Variants in SLC44A2 observed in about 807,000 individuals in gnomAD.
The protein encoded by SLC44A2 is choline transporter-like protein 2.
SLC44A2 carries 57 observed loss-of-function variants against 90.8 expected under a neutral mutation model. That is an observed-to-expected ratio of 0.63 (90% CI 0.51 to 0.78). The LOEUF is 0.78. Among genes scored for constraint, SLC44A2 ranks in the 30% least tolerant of loss-of-function variants. The probability of loss-of-function intolerance (pLI) is 0.00; values close to 1 mark genes in which losing one functional copy is unlikely to be tolerated. For missense variants in SLC44A2, 794 were observed against 919.7 expected, an observed-to-expected ratio of 0.86 and a Z score of 1.77; for synonymous variants, 355 against 360.7, an observed-to-expected ratio of 0.98 and a Z score of 0.18.
At chr19:10,611,770 C>T (rs536375507) in intron 1 of SLC44A2, among the ~76,000 whole-genome samples, 2 of 151,432 alleles carry the variant, frequency 1.3e-5, no homozygotes, top group East Asian at 2.0e-4. Flanking sequence ...TGCAGTGAGC[C>T]GACATTGTGC....
chr19:10,638,393 A>C (rs2067082070), intron 20 of SLC44A2, 78 bp downstream of exon 20: 2 of 1,318,234 alleles, frequency 1.5e-6, no homozygotes, highest in African/African-American at 2.9e-5. Context: ...TGACTAGATA[A>C]ATGTGGATAG....
In SLC44A2 at chr19:10,637,660, TG is replaced by T. The variant is rs1405789242; in HGVS notation, c.1609del (p.Ala537ProfsTer5). ...QRLKAAENKF[A>X]KCLMTCLKCC... The stretch of plus-strand genomic sequence containing the variant: ...CTCTTCCAGCTGCAGAGAACAAGTT[TG>T]CCAAGTGCCTCATGACCTGTCTCAA... On this transcript the variant is annotated frameshift_variant, in exon 17 of 22. Transcript: ENST00000335757. LOFTEE classifies it high-confidence loss of function. The T allele has an allele frequency of 1.2e-6, 2 of 1,614,016 alleles. No homozygotes were observed. The highest frequency in any genetic ancestry group is 2.7e-5 in the African/African-American group (2 of 74,928).
At chr19:10,621,427 T>TG (rs2066893859), upstream of SLC44A2, among the ~76,000 whole-genome samples, 1 of 141,582 alleles carries the variant, frequency 7.1e-6, no homozygotes, top group African/African-American at 2.6e-5. Context: ...TGGGTGTTTT[T>TG]TTTTTTTTTT....
chr19:10,642,225 G>A, intron 20 of SLC44A2, 142 bp from the exon 21 acceptor site: 1 of 664,348 alleles, frequency 1.5e-6, no homozygotes, highest in Middle Eastern at 2.5e-4. Flanking sequence ...CTGCCAGCGG[G>A]GGTGAGGGGT....
intron 20 of SLC44A2, among the ~76,000 whole-genome samples, chr19:10,638,873 C>T (rs1000302724): frequency 3.3e-5 from 5 of 150,512 alleles, no homozygotes; most frequent in African/African-American, 1.2e-4. Context: ...GATCTCAGCT[C>T]ACTGCAACCT....
chr19:10,642,476 T>C (rs1416089379), intron 21 of SLC44A2, 25 bp downstream of exon 21: 1 of 1,607,354 alleles, frequency 6.2e-7, no homozygotes, highest in Admixed American at 1.7e-5. Flanking sequence ...ACCCCAAACC[T>C]TGCTGGGCCC....
At position 10,631,379 on chromosome 19, in the gene SLC44A2, C is replaced by T; in HGVS notation, c.435C>T (p.Asn145=). Residue 145 remains asparagine (N), a synonymous_variant, in exon 6 of 22, where the codon AAC becomes AAT. Coordinates refer to ENST00000335757, the MANE Select transcript of SLC44A2 (RefSeq NM_020428.4). The stretch of plus-strand genomic sequence containing the variant: ...AGTTCTGTGTTCCTGGCTTCAAGAA[C>T]AATAAAGTGAGTTGTAGACTGTCCT... ...YKQFCVPGFK[N]NKGVAEVLQD... 1 of 1,614,144 alleles carries T rather than the reference C, an allele frequency of 6.2e-7. No individual in the cohort carries two copies. Among genetic ancestry groups the T allele is most frequent in the Non-Finnish European group, 8.5e-7 (1 of 1,180,022 alleles).
Position 10,631,654 on chromosome 19 carries a change from C to T in SLC44A2, c.531C>T (p.His177=), listed in dbSNP as rs558954316. Reference sequence around the variant, plus strand: ...CCCGGAGATGCTTCCCCGCTATCCACGCCTACAAGGGTGTCCTGATGGTGG... The same window carrying T: ...CCCGGAGATGCTTCCCCGCTATCCATGCCTACAAGGGTGTCCTGATGGTGG... ...PLARRCFPAI[H]AYKGVLMVGN... The change falls in exon 8 of 22, where the codon CAC becomes CAT. Residue 177 remains histidine, a synonymous_variant. Coordinates refer to ENST00000335757, the MANE Select transcript of SLC44A2 (RefSeq NM_020428.4). The T allele has an allele frequency of 1.1e-5, 17 of 1,613,684 alleles. No individual in the cohort carries two copies. In the East Asian group the frequency reaches 1.8e-4, roughly 17 times the overall value.
intron 1 of SLC44A2, among the ~76,000 whole-genome samples, chr19:10,614,970 C>CA (rs74464361): frequency 0.13 from 7,942 of 61,892 alleles, 379 homozygotes; most frequent in Middle Eastern, 0.19. Flanking sequence ...GACTCCGTCT[C>CA]AAAAAAAAAA....
chr19:10,605,593 C>T (rs547724095), intron 1 of SLC44A2, among the ~76,000 whole-genome samples: 12 of 149,662 alleles, frequency 8.0e-5, no homozygotes, highest in African/African-American at 2.7e-4. Context: ...AGGCTGAGGC[C>T]GGAGAATCGC....
intron 1 of SLC44A2, 103 bp downstream of exon 1, chr19:10,625,773 G>T: frequency 1.9e-6 from 2 of 1,034,508 alleles, no homozygotes; most frequent in Non-Finnish European, 2.5e-6. Flanking sequence ...GAGGGGGAGC[G>T]CAATTGCAAA....
intron 1 of SLC44A2, among the ~76,000 whole-genome samples, chr19:10,614,478 C>T (rs2144815416): frequency 1.3e-5 from 2 of 152,148 alleles, no homozygotes; most frequent in Middle Eastern, 6.8e-3. Context: ...AGAGATCCTC[C>T]CACCTCAGCC....
At chr19:10,636,868 T>C (rs887260347) in intron 16 of SLC44A2, 112 bp downstream of exon 16, 1 of 1,117,778 alleles carries the variant, frequency 8.9e-7, no homozygotes, top group African/African-American at 1.6e-5. Flanking sequence ...AGAGCAGTGA[T>C]GGGTTTCTGT....
chr19:10,618,982 G>GT (rs2066877849), intron 1 of SLC44A2, among the ~76,000 whole-genome samples: 1 of 67,838 alleles, frequency 1.5e-5, no homozygotes, highest in Non-Finnish European at 2.9e-5. Context: ...TTTTTTTTTT[G>GT]GATACAGGGT....
intron 4 of SLC44A2, among the ~76,000 whole-genome samples, chr19:10,628,942 G>T (rs900018106): frequency 6.6e-6 from 1 of 152,038 alleles, no homozygotes; most frequent in African/African-American, 2.4e-5. Context: ...GCATCGCTGG[G>T]CGTGGTGGCT....
At chr19:10,625,911 C>T (rs541422239) in intron 1 of SLC44A2, among the ~76,000 whole-genome samples, 15 of 152,200 alleles carry the variant, frequency 9.9e-5, no homozygotes, top group African/African-American at 2.9e-4. Flanking sequence ...CTGCCTGGCA[C>T]TGCTGCCGGC....
intron 4 of SLC44A2, among the ~76,000 whole-genome samples, chr19:10,630,540 A>G (rs577154192): frequency 1.3e-3 from 198 of 151,736 alleles, no homozygotes; most frequent in Non-Finnish European, 2.4e-3. Context: ...ACCTACCTGT[A>G]GTCCCAGCTA....
At chr19:10,642,715 G>C (rs532809533) in intron 21 of SLC44A2, among the ~76,000 whole-genome samples, 3 of 152,134 alleles carry the variant, frequency 2.0e-5, no homozygotes, top group Admixed American at 6.6e-5. Flanking sequence ...GGCTTTGACT[G>C]GGGGGAGGGG....
chr19:10,613,227 T>C (rs1295443390), intron 1 of SLC44A2, among the ~76,000 whole-genome samples: 1 of 151,382 alleles, frequency 6.6e-6, no homozygotes, highest in East Asian at 1.9e-4. Context: ...CCAGATAATA[T>C]AGTTATTTTT....
Sources: gnomAD v4.1 joint callset for allele counts (sites outside exome capture counted in the v4.1 genomes callset) on GRCh38, gnomAD v4.1.1 for gene constraint, MANE v1.5 for transcripts, NCBI Gene and HGNC (gene_info 2026-07-23, HGNC 2026-07-21) for gene names.